The following OXCT1 variants were observed in gnomAD, a reference collection of about 807,000 sequenced individuals.
The protein encoded by OXCT1 is 3-oxoacid CoA-transferase 1.
Under a neutral mutation model 69.6 loss-of-function variants are expected in OXCT1, and 27 were observed. The observed-to-expected ratio is 0.39, with a 90% CI of 0.29 to 0.54. OXCT1 has a LOEUF of 0.54. Ranked by LOEUF, OXCT1 falls within the 20% of genes least tolerant of loss-of-function variation. The pLI is 0.72. For missense variants in OXCT1, 437 were observed against 650.2 expected (o/e 0.67, Z 3.57); for synonymous variants, 202 against 217.8 (o/e 0.93, Z 0.64).
chr5:41,808,882 T>C (rs1746817192), intron 7 of OXCT1, among the ~76,000 whole-genome samples: 1 of 152,112 alleles, frequency 6.6e-6, no homozygotes, highest in Non-Finnish European at 1.5e-5. Flanking sequence ...AAAGAAGTTC[T>C]TGACTTTAAA....
At chr5:41,816,803 T>A (rs1157265940) in intron 7 of OXCT1, among the ~76,000 whole-genome samples, 1 of 152,178 alleles carries the variant, frequency 6.6e-6, no homozygotes, top group Admixed American at 6.5e-5. Flanking sequence ...TGGTCTCATA[T>A]GAAAAATGTT....
At chr5:41,861,893 T>C (rs1749754856) in intron 2 of OXCT1, among the ~76,000 whole-genome samples, 1 of 152,180 alleles carries the variant, frequency 6.6e-6, no homozygotes, top group Non-Finnish European at 1.5e-5. Flanking sequence ...ATGCTAAAAA[T>C]AATCCTTGAC....
At chr5:41,768,595 C>T (rs1171075507) in intron 13 of OXCT1, among the ~76,000 whole-genome samples, 1 of 152,152 alleles carries the variant, frequency 6.6e-6, no homozygotes, top group Non-Finnish European at 1.5e-5. Context: ...TCTCCTGCCT[C>T]TCCCTCATAA....
At chr5:41,791,709 T>C (rs1166883074) in intron 13 of OXCT1, among the ~76,000 whole-genome samples, 4 of 152,202 alleles carry the variant, frequency 2.6e-5, no homozygotes, top group African/African-American at 4.8e-5. Context: ...TCTAGAGAAA[T>C]AGATGTATTT....
intron 2 of OXCT1, among the ~76,000 whole-genome samples, chr5:41,862,088 G>A (rs1036906789): frequency 6.6e-6 from 1 of 152,186 alleles, no homozygotes; most frequent in African/African-American, 2.4e-5. Flanking sequence ...GTGGGTGCCT[G>A]TAATCCCAGC....
intron 13 of OXCT1, among the ~76,000 whole-genome samples, chr5:41,784,518 G>A (rs1488818061): frequency 6.6e-6 from 1 of 152,138 alleles, no homozygotes; most frequent in South Asian, 2.1e-4. Context: ...TATGTATTTT[G>A]CAGGTTGTTT....
intron 7 of OXCT1, among the ~76,000 whole-genome samples, chr5:41,814,680 A>G (rs1033841826): frequency 7.3e-6 from 1 of 137,502 alleles, no homozygotes; most frequent in African/African-American, 2.7e-5. Context: ...AACAATGAGA[A>G]CACATGGACA....
At chr5:41,868,178 A>C (rs182059852) in intron 1 of OXCT1, among the ~76,000 whole-genome samples, 1 of 152,346 alleles carries the variant, frequency 6.6e-6, no homozygotes, top group Admixed American at 6.5e-5. Context: ...GAAAATAACT[A>C]TCTCGTTTTA....
chr5:41,778,422 G>T (rs1428632633), intron 13 of OXCT1, among the ~76,000 whole-genome samples: 2 of 152,180 alleles, frequency 1.3e-5, no homozygotes, highest in Admixed American at 1.3e-4. Flanking sequence ...TGATGATTTT[G>T]CCTGGCATTC....
chr5:41,841,516 C>T (rs1207012006), intron 6 of OXCT1, among the ~76,000 whole-genome samples: 1 of 152,154 alleles, frequency 6.6e-6, no homozygotes, highest in African/African-American at 2.4e-5. Flanking sequence ...CCTAAGGTCA[C>T]TTGACCATTG....
intron 14 of OXCT1, among the ~76,000 whole-genome samples, chr5:41,754,410 T>C (rs996083446): frequency 2.0e-5 from 3 of 152,110 alleles, no homozygotes; most frequent in Admixed American, 6.5e-5. Flanking sequence ...ATAACTGATG[T>C]AGCTGGATTA....
intron 13 of OXCT1, among the ~76,000 whole-genome samples, chr5:41,778,785 G>A (rs1745251281): frequency 6.6e-6 from 1 of 152,168 alleles, no homozygotes; most frequent in African/African-American, 2.4e-5. Flanking sequence ...TTTTTATTCT[G>A]AGTATAAATT....
chr5:41,746,512 GCA>G (rs1260841961), intron 15 of OXCT1, among the ~76,000 whole-genome samples: 7 of 152,044 alleles, frequency 4.6e-5, no homozygotes, highest in African/African-American at 1.7e-4. Flanking sequence ...CACCTACTAT[GCA>G]CAGAGCATAG....
chr5:41,859,870 TATATATATATATATATGTA>T (rs1184001892), intron 3 of OXCT1, among the ~76,000 whole-genome samples: 18 of 119,454 alleles, frequency 1.5e-4, no homozygotes, highest in East Asian at 4.3e-4. Flanking sequence ...TAGTAATATA[TATATATATATATATATGTA>T]ATATATATAT....
chr5:41,808,525 G>C (rs1196090453), intron 7 of OXCT1, among the ~76,000 whole-genome samples: 1 of 152,056 alleles, frequency 6.6e-6, no homozygotes, highest in Non-Finnish European at 1.5e-5. Context: ...CTCACAAATA[G>C]CTGAAAAAGG....
At chr5:41,827,845 T>A (rs1747884115) in intron 7 of OXCT1, among the ~76,000 whole-genome samples, 1 of 152,138 alleles carries the variant, frequency 6.6e-6, no homozygotes, top group Non-Finnish European at 1.5e-5. Flanking sequence ...AAAAGAGTAA[T>A]CAGCCTCACC....
Position 41,861,344 on chromosome 5 carries a change from T to C in OXCT1, c.248A>G (p.Lys83Arg). The change falls in exon 3 of 17, where the codon AAA (lysine) becomes AGA (arginine). Residue 83 changes from lysine (K) to arginine (R), a missense_variant. Transcript: ENST00000196371. ...ATTGTTGCTGACTGCAGTTAGTCCT[T>C]TTACTCCAGTTTTCAGTAAAGCATC... ...LIDALLKTGV[K>R]GLTAVSNNAG... 1 of 1,612,108 alleles carries C rather than the reference T, an allele frequency of 6.2e-7. No individual in the cohort carries two copies. Among genetic ancestry groups the C allele is most frequent in the Non-Finnish European group, 8.5e-7 (1 of 1,178,428 alleles).
At position 41,842,800 on chromosome 5, in the gene OXCT1, G is replaced by A; in HGVS notation, c.565-19C>T. The A allele has an allele frequency of 1.4e-6, 2 of 1,472,928 alleles. No homozygotes were observed. Among genetic ancestry groups the A allele is most frequent in the South Asian group, 1.1e-5 (1 of 88,180 alleles). 91.2% of individuals were successfully genotyped at this position (1,472,928 alleles called of 1,614,324 possible). ...CCCTCACCTGCAGAAGAGGGAGAAGGCATCATCAGGTATTTGCATAGGTCT... is the reference window on the plus strand; with the variant it reads ...CCCTCACCTGCAGAAGAGGGAGAAGACATCATCAGGTATTTGCATAGGTCT... On this transcript the variant is annotated intron_variant, in intron 5 of 16. Transcript: ENST00000196371.
chr5:41,769,120 C>A (rs911691941), intron 13 of OXCT1, among the ~76,000 whole-genome samples: 3 of 152,170 alleles, frequency 2.0e-5, no homozygotes, highest in Admixed American at 6.5e-5. Flanking sequence ...ATTTTAGGAA[C>A]CTCTCACAGC....
Sources: gnomAD v4.1 joint callset for allele counts (sites outside exome capture counted in the v4.1 genomes callset) on GRCh38, gnomAD v4.1.1 for gene constraint, MANE v1.5 for transcripts, NCBI Gene and HGNC (gene_info 2026-07-23, HGNC 2026-07-21) for gene names.